The following RIGI variants were observed in gnomAD, a reference collection of about 807,000 sequenced individuals.
The protein encoded by RIGI is antiviral innate immune response receptor RIG-I.
chr9:32,483,530 C>T, the RIGI span, among the ~76,000 whole-genome samples: 17 of 152,234 alleles, frequency 1.1e-4, no homozygotes, highest in African/African-American at 4.1e-4. Flanking sequence ...TGCTACTTCC[C>T]CAATTCAAAC....
chr9:32,526,077 G>T, the RIGI span: 1 of 1,613,724 alleles, frequency 6.2e-7, no homozygotes, highest in Non-Finnish European at 8.5e-7. Context: ...TAAACCAGGG[G>T]GCCATGTAGC....
chr9:32,466,690 C>CAAA, the RIGI span, among the ~76,000 whole-genome samples: 26 of 68,590 alleles, frequency 3.8e-4, 1 homozygote, highest in East Asian at 1.9e-3. Flanking sequence ...AGACCTATCT[C>CAAA]AAAAAAAAAA....
At chr9:32,487,620 G>C in the RIGI span, 1 of 1,614,094 alleles carries the variant, frequency 6.2e-7, no homozygotes, top group Non-Finnish European at 8.5e-7. Context: ...AACCGAGGCA[G>C]TCAGCCCAAT....
chr9:32,480,424 C>T, the RIGI span: 39 of 1,399,798 alleles, frequency 2.8e-5, no homozygotes, highest in African/African-American at 3.1e-4. Flanking sequence ...AAGTTCAATT[C>T]GTTGTATTTA....
At chr9:32,463,951 A>G in the RIGI span, among the ~76,000 whole-genome samples, 2 of 122,030 alleles carry the variant, frequency 1.6e-5, 1 homozygote, top group Admixed American at 1.8e-4. Context: ...AGAATGAAAC[A>G]CCACCAAATC....
chr9:32,467,628 G>A, the RIGI span: 1 of 767,188 alleles, frequency 1.3e-6, no homozygotes, highest in Admixed American at 3.0e-5. Context: ...AAGGGCCAAT[G>A]ATACCAAAGT....
At chr9:32,508,517 G>A in the RIGI span, among the ~76,000 whole-genome samples, 12 of 151,944 alleles carry the variant, frequency 7.9e-5, no homozygotes, top group African/African-American at 9.7e-5. Context: ...CCCTCCCCTA[G>A]CCAAGGGAAG....
At chr9:32,524,579 CT>C in the RIGI span, among the ~76,000 whole-genome samples, 13 of 86,708 alleles carry the variant, frequency 1.5e-4, no homozygotes, top group Non-Finnish European at 1.7e-4. Context: ...CTCTCATCGA[CT>C]TTTTTTTGTT....
the RIGI span, among the ~76,000 whole-genome samples, chr9:32,513,223 T>C: frequency 6.6e-6 from 1 of 152,014 alleles, no homozygotes; most frequent in African/African-American, 2.4e-5. Context: ...AAAACTACTT[T>C]AAAGTTCATA....
At chr9:32,476,514 G>GA in the RIGI span, among the ~76,000 whole-genome samples, 4 of 147,564 alleles carry the variant, frequency 2.7e-5, no homozygotes, top group Admixed American at 6.8e-5. Flanking sequence ...CTAAGTGGGG[G>GA]AAAAAAAAAC....
the RIGI span, chr9:32,457,559 G>GAA: frequency 3.6e-5 from 22 of 606,968 alleles, no homozygotes; most frequent in Non-Finnish European, 5.0e-5. Flanking sequence ...ACAATTGGAG[G>GAA]AAAAAAAAAA....
At chr9:32,455,740 A>G in the RIGI span, 2 of 152,218 alleles carry the variant, frequency 1.3e-5, no homozygotes. Flanking sequence ...GGGTCTTAGT[A>G]AGAATACTAC....
the RIGI span, chr9:32,491,400 CT>C: frequency 6.2e-7 from 1 of 1,610,530 alleles, no homozygotes; most frequent in Non-Finnish European, 8.5e-7. Flanking sequence ...TCAAGATCTT[CT>C]GTTTCAACAT....
At chr9:32,480,337 G>A in the RIGI span, 2 of 1,600,780 alleles carry the variant, frequency 1.2e-6, no homozygotes, top group East Asian at 2.2e-5. Context: ...CACTGATAAT[G>A]AGGGCATCAT....
the RIGI span, among the ~76,000 whole-genome samples, chr9:32,514,185 A>G: frequency 6.6e-6 from 1 of 152,350 alleles, no homozygotes. Context: ...TCAAGGATCT[A>G]GAACCAGAGA....
At chr9:32,467,845 T>G in the RIGI span, 21 of 1,613,724 alleles carry the variant, frequency 1.3e-5, no homozygotes, top group South Asian at 1.3e-4. Context: ...AATGCCTTCA[T>G]CAGCAACTGA....
chr9:32,492,524 C>A, the RIGI span: 1 of 1,614,144 alleles, frequency 6.2e-7, no homozygotes, highest in Non-Finnish European at 8.5e-7. Context: ...CCATCATCCC[C>A]TTAGTAGAGC....
At chr9:32,489,203 A>G in the RIGI span, 1 of 561,888 alleles carries the variant, frequency 1.8e-6, no homozygotes, top group Non-Finnish European at 3.1e-6. Context: ...AAAAAACATT[A>G]GGATTATATT....
At chr9:32,479,387 G>C in the RIGI span, among the ~76,000 whole-genome samples, 2 of 152,004 alleles carry the variant, frequency 1.3e-5, no homozygotes, top group African/African-American at 4.8e-5. Context: ...TACTTAGGTA[G>C]AGGCCAAAAA....
Sources: allele counts gnomAD v4.1 joint callset (sites outside exome capture counted in the v4.1 genomes callset), GRCh38; gene constraint gnomAD v4.1.1; transcripts MANE v1.5; gene names NCBI Gene and HGNC (gene_info 2026-07-23, HGNC 2026-07-21).